Variants in PPP1R16B observed in about 807,000 individuals in gnomAD.
The protein encoded by PPP1R16B is protein phosphatase 1 regulatory inhibitor subunit 16B.
In PPP1R16B, 14 loss-of-function variants were observed where a neutral mutation model predicts 61.7. The observed-to-expected ratio is 0.23, with a 90% confidence interval of 0.15 to 0.35. The LOEUF is 0.35. PPP1R16B is among the 10% of genes least tolerant of loss of function. The pLI, the probability that PPP1R16B is intolerant of heterozygous loss-of-function variation, is 1.00. For missense variants in PPP1R16B, 547 were observed against 752.5 expected (o/e 0.73, Z 3.19); for synonymous variants, 266 against 305.3 (o/e 0.87, Z 1.34).
At chr20:38,834,169 T>A (rs897438796) in intron 1 of PPP1R16B, among the ~76,000 whole-genome samples, 3 of 152,202 alleles carry the variant, frequency 2.0e-5, no homozygotes, top group Non-Finnish European at 4.4e-5. Context: ...AGCTCTTTTT[T>A]AAAAAATTAT....
At chr20:38,823,505 G>A (rs970892729) in intron 1 of PPP1R16B, among the ~76,000 whole-genome samples, 8 of 152,160 alleles carry the variant, frequency 5.3e-5, no homozygotes, top group Non-Finnish European at 1.2e-4. Flanking sequence ...GCTGGGCAGA[G>A]TGGCACTTGC....
At chr20:38,887,257 A>G (rs1037634838) in intron 2 of PPP1R16B, among the ~76,000 whole-genome samples, 1 of 152,240 alleles carries the variant, frequency 6.6e-6, no homozygotes, top group Non-Finnish European at 1.5e-5. Flanking sequence ...TTGGAGTTTA[A>G]GAAATGAGAG....
Position 38,902,747 on chromosome 20 carries a change from A to G in PPP1R16B, c.651A>G (p.Ala217=). ...QMIADIHCMI[A]AGQDLDWIDA... Reference sequence around the variant, plus strand: ...TTGCGGACATCCACTGCATGATCGCAGCGGGCCAGGACCTGGACTGGATAG... The same window carrying G: ...TTGCGGACATCCACTGCATGATCGCGGCGGGCCAGGACCTGGACTGGATAG... The change falls in exon 6 of 11, where the codon GCA becomes GCG. Residue 217 remains alanine, a synonymous_variant. Coordinates refer to ENST00000299824, the MANE Select transcript of PPP1R16B (RefSeq NM_015568.4). 1 of 1,614,248 alleles carries G rather than the reference A, an allele frequency of 6.2e-7. No homozygotes were observed. The highest frequency in any genetic ancestry group is 2.2e-5 in the East Asian group (1 of 44,884).
chr20:38,815,652 C>T (rs867393696), intron 1 of PPP1R16B, among the ~76,000 whole-genome samples: 1 of 152,230 alleles, frequency 6.6e-6, no homozygotes, highest in African/African-American at 2.4e-5. Context: ...TTCTCCAGCA[C>T]TGAGGATTAA....
At position 38,907,160 on chromosome 20, in the gene PPP1R16B, G is replaced by C. The variant is rs370193286; in HGVS notation, c.898+106G>C. ...TATGGTTGTATAGATTGATGGATTGGTGTCTAGATAGATAGATGGATTAAT... is the reference window on the plus strand; with the variant it reads ...TATGGTTGTATAGATTGATGGATTGCTGTCTAGATAGATAGATGGATTAAT... On this transcript the variant is annotated intron_variant, in intron 8 of 10. Transcript: ENST00000299824. The surrounding 1 kb of genome is among the most constrained non-coding windows in gnomAD (Gnocchi z 4.5). 3 of 893,754 alleles carry C rather than the reference G, an allele frequency of 3.4e-6. No individual in the cohort carries two copies. Among genetic ancestry groups the C allele is most frequent in the South Asian group, 3.0e-5 (2 of 67,416 alleles). 55.4% of individuals were successfully genotyped at this position (893,754 alleles called of 1,614,324 possible).
chr20:38,911,549 TA>T (rs1020889239), intron 10 of PPP1R16B, among the ~76,000 whole-genome samples: 2 of 151,222 alleles, frequency 1.3e-5, no homozygotes, highest in African/African-American at 4.9e-5. Context: ...TTTTTTTTTT[TA>T]AATTGAGACA....
At chr20:38,810,798 G>A (rs2084695962) in intron 1 of PPP1R16B, among the ~76,000 whole-genome samples, 1 of 152,224 alleles carries the variant, frequency 6.6e-6, no homozygotes, top group Non-Finnish European at 1.5e-5. Flanking sequence ...CCGAGGCACA[G>A]AGGGTGAGGC....
chr20:38,918,095 A>AC lies in PPP1R16B; in HGVS notation c.1195-61dup. ...AAACAATAATGCCCTCAGCAGAGAG[A>AC]CAGGTGGATAGTAGGTTCAGATCTT... On this transcript the variant is annotated intron_variant, in intron 10 of 10. Coordinates refer to ENST00000299824, the MANE Select transcript of PPP1R16B (RefSeq NM_015568.4). The surrounding 1 kb of genome is among the most constrained non-coding windows in gnomAD (Gnocchi z 5.3). 6.3e-7 allele frequency: 1 copy of AC among 1,579,542 alleles called. No individual in the cohort carries two copies. Among genetic ancestry groups the AC allele is most frequent in the Non-Finnish European group, 8.6e-7 (1 of 1,156,356 alleles).
chr20:38,846,831 C>G (rs537035987), intron 2 of PPP1R16B, among the ~76,000 whole-genome samples: 29 of 152,064 alleles, frequency 1.9e-4, no homozygotes, highest in African/African-American at 7.0e-4. Context: ...TAGTGAGACC[C>G]CATATCTACA....
Position 38,908,153 on chromosome 20 carries a change from A to T in PPP1R16B, c.1154A>T (p.Asp385Val). ...CAGCGGACCTCCACCTACAACGGGG[A>T]CATCAGGGAGACCAGGACAGACCAA... ...EDQRTSTYNG[D>V]IRETRTDQEN... The change falls in exon 10 of 11, where the codon GAC becomes GTC. Residue 385 changes from aspartate to valine, a missense_variant. Coordinates refer to ENST00000299824, the MANE Select transcript of PPP1R16B (RefSeq NM_015568.4). The T allele has an allele frequency of 6.2e-7, 1 of 1,614,216 alleles. No homozygotes were observed. The highest frequency in any genetic ancestry group is 8.5e-7 in the Non-Finnish European group (1 of 1,180,024).
intron 1 of PPP1R16B, among the ~76,000 whole-genome samples, chr20:38,814,716 G>A (rs2084724410): frequency 6.6e-6 from 1 of 152,090 alleles, no homozygotes; most frequent in Non-Finnish European, 1.5e-5. Flanking sequence ...TTACTTACCT[G>A]GGCATCCCTA....
chr20:38,868,339 A>T (rs2085103651), intron 2 of PPP1R16B, among the ~76,000 whole-genome samples: 1 of 152,162 alleles, frequency 6.6e-6, no homozygotes, highest in African/African-American at 2.4e-5. Flanking sequence ...GTTAAAAAAA[A>T]TACAGAGAGA....
chr20:38,824,715 C>T (rs962668829), intron 1 of PPP1R16B, among the ~76,000 whole-genome samples: 3 of 152,252 alleles, frequency 2.0e-5, no homozygotes, highest in Non-Finnish European at 4.4e-5. Flanking sequence ...AGTGAACAAA[C>T]TATATGAAAA....
chr20:38,817,718 G>A lies in PPP1R16B; in HGVS notation c.-102+11926G>A, dbSNP rs1358540472. 2.0e-5 allele frequency among the ~76,000 whole-genome samples: 3 copies of A among 152,178 alleles called. 1 individual carries two copies. Among genetic ancestry groups the A allele is most frequent in the African/African-American group, 7.2e-5 (3 of 41,444 alleles). On this transcript the variant is annotated intron_variant, in intron 1 of 10. Coordinates refer to ENST00000299824, the MANE Select transcript of PPP1R16B (RefSeq NM_015568.4). ...TCAAAGAACAAGAGGAGTTTGCCAG[G>A]TGGAGAGAAAGAAGGGTACTGCCAC... is the stretch of plus-strand genomic sequence containing the variant.
intron 3 of PPP1R16B, among the ~76,000 whole-genome samples, chr20:38,890,513 G>A (rs757552350): frequency 9.2e-5 from 14 of 152,232 alleles, no homozygotes; most frequent in Non-Finnish European, 1.8e-4. Flanking sequence ...TCCACAGCAA[G>A]AGCCTGGGAG....
At chr20:38,865,150 T>C (rs2085081527) in intron 2 of PPP1R16B, among the ~76,000 whole-genome samples, 1 of 152,050 alleles carries the variant, frequency 6.6e-6, no homozygotes, top group African/African-American at 2.4e-5. Flanking sequence ...GGGGCCCCGG[T>C]TGAGGGAACT....
chr20:38,891,969 T>C (rs1387970066), intron 3 of PPP1R16B, among the ~76,000 whole-genome samples: 1 of 152,212 alleles, frequency 6.6e-6, no homozygotes, highest in Non-Finnish European at 1.5e-5. Flanking sequence ...ATGTGGCTGA[T>C]GTGACTGAGG....
chr20:38,830,048 G>A (rs1337488627), intron 1 of PPP1R16B, among the ~76,000 whole-genome samples: 1 of 152,250 alleles, frequency 6.6e-6, no homozygotes, highest in African/African-American at 2.4e-5. Flanking sequence ...TTTGCTGGGA[G>A]TAGGGAGGAC....
intron 2 of PPP1R16B, among the ~76,000 whole-genome samples, chr20:38,875,275 C>T (rs2085157940): frequency 6.6e-6 from 1 of 152,212 alleles, no homozygotes; most frequent in Admixed American, 6.5e-5. Context: ...CAGCTTGCTC[C>T]CCTCCGGGCC....
Sources: gnomAD v4.1 joint callset for allele counts (sites outside exome capture counted in the v4.1 genomes callset) on GRCh38, gnomAD v4.1.1 for gene constraint, Gnocchi (gnomAD v3.1) non-coding constraint, MANE v1.5 for transcripts, NCBI Gene and HGNC (gene_info 2026-07-23, HGNC 2026-07-21) for gene names.